Variants in THRAP3 observed in about 807,000 individuals in gnomAD.
THRAP3 encodes the protein thyroid hormone receptor-associated protein 3.
Under a neutral mutation model 101.0 loss-of-function variants are expected in THRAP3, and 16 were observed. The ratio of observed to expected loss-of-function variants is 0.16; its 90% CI spans 0.11 to 0.24. THRAP3 has a LOEUF of 0.24. Ranked by LOEUF, THRAP3 falls within the 10% of genes least tolerant of loss-of-function variation. The pLI, the probability that THRAP3 is intolerant of heterozygous loss-of-function variation, is 1.00. For synonymous variants in THRAP3, 407 were observed against 422.6 expected, an observed-to-expected ratio of 0.96 and a Z score of 0.45; for missense variants, 989 against 1,202.7, an observed-to-expected ratio of 0.82 and a Z score of 2.63.
Position 36,296,716 on chromosome 1 carries a change from G to A in THRAP3, c.2249G>A (p.Arg750Lys), listed in dbSNP as rs764238300. Residue 750 changes from arginine (R) to lysine (K), a missense_variant, in exon 9 of 12, where the codon AGG becomes AAG. Arg to Lys is a conservative substitution (Grantham distance 26, BLOSUM62 2). Transcript: ENST00000354618. The part of the protein sequence containing the change: ...SVDSRDSSHS[R>K]ERSAEKTEKT... ...GATTCCCGAGACTCCAGTCACTCAA[G>A]GGAAAGGTCAGCTGAAAAAACAGAG... The A allele has an allele frequency of 1.2e-6, 2 of 1,608,238 alleles. No homozygotes were observed. The highest frequency in any genetic ancestry group is 1.7e-6 in the Non-Finnish European group (2 of 1,178,680).
rs1333130387 is a variant in THRAP3 at position 36,292,586 on chromosome 1, T to C, written c.1919-12T>C. 1.9e-6 allele frequency: 3 copies of C among 1,607,248 alleles called. No individual in the cohort carries two copies. Among genetic ancestry groups the C allele is most frequent in the Admixed American group, 3.4e-5 (2 of 59,082 alleles). On this transcript the variant is annotated splice_polypyrimidine_tract_variant and intron_variant, in intron 6 of 11. Transcript: ENST00000354618. ...TGCCTGGCCCATAATGTGTTTCTTT[T>C]AATCCCAACAGAGCATCACTTTGGG...
At chr1:36,271,244 G>T (rs1212293678) in intron 2 of THRAP3, among the ~76,000 whole-genome samples, 2 of 152,166 alleles carry the variant, frequency 1.3e-5, no homozygotes, top group African/African-American at 4.8e-5. Context: ...AAGAATTTCA[G>T]TACCAAGTTC....
chr1:36,262,959 A>ATTTTTTTTTT (rs55662646), intron 2 of THRAP3, among the ~76,000 whole-genome samples: 205 of 104,326 alleles, frequency 2.0e-3, no homozygotes, highest in Non-Finnish European at 2.8e-3. Context: ...GGGCCGGCTA[A>ATTTTTTTTTT]TTTTTTTTTT....
chr1:36,254,908 A>C (rs1318634222), intron 1 of THRAP3, among the ~76,000 whole-genome samples: 1 of 152,194 alleles, frequency 6.6e-6, no homozygotes, highest in African/African-American at 2.4e-5. Flanking sequence ...GGCTCTGTAT[A>C]CATGACTTAT....
intron 7 of THRAP3, 55 bp from the exon 8 acceptor site, chr1:36,293,796 C>T: frequency 7.1e-7 from 1 of 1,414,276 alleles, no homozygotes; most frequent in Non-Finnish European, 9.9e-7. Flanking sequence ...TAGAATATTA[C>T]CAGTATCATA....
intron 1 of THRAP3, among the ~76,000 whole-genome samples, chr1:36,252,927 C>CGCATAT (rs1480472338): frequency 1.3e-5 from 1 of 76,538 alleles, no homozygotes; most frequent in Non-Finnish European, 2.5e-5. Context: ...TATAGATAGG[C>CGCATAT]ATATATATAT....
At chr1:36,241,291 A>G (rs926942902) in intron 1 of THRAP3, among the ~76,000 whole-genome samples, 13 of 150,142 alleles carry the variant, frequency 8.7e-5, no homozygotes, top group Non-Finnish European at 1.5e-4. Context: ...AATTCTCTTT[A>G]GAGTACTTCA....
the THRAP3 span, among the ~76,000 whole-genome samples, chr1:36,208,317 TA>T: frequency 6.6e-6 from 1 of 152,134 alleles, no homozygotes; most frequent in African/African-American, 2.4e-5. Flanking sequence ...ATGAGAAAAC[TA>T]AGGCTCAGAG....
At position 36,289,154 on chromosome 1, in the gene THRAP3, T is replaced by G; in HGVS notation, c.1135T>G (p.Ser379Ala). The change falls in exon 5 of 12, where the codon TCT (serine) becomes GCT (alanine). Residue 379 changes from serine to alanine, a missense_variant. Transcript: ENST00000354618. ...AAAAATAAAAGAGAAAGGGAGCTTC[T>G]CTGACACAGGCTTGGGTGATGGAAA... Reference protein sequence around the residue: ...KEKIKEKGSFSDTGLGDGKMK... With the variant: ...KEKIKEKGSFADTGLGDGKMK... 1 of 1,613,674 alleles carries G rather than the reference T, an allele frequency of 6.2e-7. No individual in the cohort carries two copies. Among genetic ancestry groups the G allele is most frequent in the Middle Eastern group, 1.7e-4 (1 of 5,940 alleles).
chr1:36,255,862 A>T (rs1020675947), intron 1 of THRAP3, among the ~76,000 whole-genome samples: 2 of 151,932 alleles, frequency 1.3e-5, no homozygotes, highest in Non-Finnish European at 2.9e-5. Context: ...ACCATAGGAG[A>T]TACAAATGGT....
At position 36,224,462 on chromosome 1, in the gene THRAP3, T is replaced by G. The variant is rs902182494; in HGVS notation, c.-178T>G. 6.5e-6 allele frequency: 1 copy of G among 152,986 alleles called. No individual in the cohort carries two copies. Among genetic ancestry groups the G allele is most frequent in the Admixed American group, 6.6e-5 (1 of 15,260 alleles). 9.5% of individuals were successfully genotyped at this position (152,986 alleles called of 1,614,324 possible). Reference sequence around the variant, plus strand: ...GGGCGGGGGCGAGGTTCGGGCTGGTTGTTCCGTTGCGAGCTGCAGCTGCGA... The same window carrying G: ...GGGCGGGGGCGAGGTTCGGGCTGGTGGTTCCGTTGCGAGCTGCAGCTGCGA... On this transcript the variant is annotated 5_prime_UTR_variant, in exon 1 of 12. Coordinates refer to ENST00000354618, the MANE Select transcript of THRAP3 (RefSeq NM_005119.4).
At position 36,302,974 on chromosome 1, in the gene THRAP3, A is replaced by G. The variant is rs140768825; in HGVS notation, c.2647-822A>G. 4.0e-3 allele frequency among the ~76,000 whole-genome samples: 612 copies of G among 152,240 alleles called. 5 individuals carry two copies. Among genetic ancestry groups the G allele is most frequent in the African/African-American group, 0.014 (581 of 41,550 alleles). On this transcript the variant is annotated intron_variant, in intron 11 of 11. Coordinates refer to ENST00000354618, the MANE Select transcript of THRAP3 (RefSeq NM_005119.4). ...GAGGATCAGGAAAGCCCCAGCCCCA[A>G]CATTGGATTCTGAGCATTTGGAGTG...
chr1:36,208,580 G>T, the THRAP3 span, among the ~76,000 whole-genome samples: 1 of 152,140 alleles, frequency 6.6e-6, no homozygotes. Context: ...ACAGAATTAT[G>T]TTAGTTATTA....
intron 6 of THRAP3, among the ~76,000 whole-genome samples, chr1:36,292,106 T>C (rs1645875941): frequency 6.6e-6 from 1 of 152,006 alleles, no homozygotes; most frequent in Non-Finnish European, 1.5e-5. Context: ...TAGTGCCCAA[T>C]ATGGGACCGT....
At chr1:36,237,566 T>G (rs1645105705) in intron 1 of THRAP3, among the ~76,000 whole-genome samples, 3 of 146,352 alleles carry the variant, frequency 2.0e-5, no homozygotes, top group East Asian at 2.0e-4. Context: ...AGGTCAGGAG[T>G]TCAAGATCAG....
At chr1:36,240,578 C>A (rs1329505682) in intron 1 of THRAP3, among the ~76,000 whole-genome samples, 1 of 152,216 alleles carries the variant, frequency 6.6e-6, no homozygotes, top group Non-Finnish European at 1.5e-5. Flanking sequence ...TCAGTCTTCT[C>A]TGGCAACACC....
At position 36,289,516 on chromosome 1, in the gene THRAP3, C is replaced by G. The variant is rs1557450724; in HGVS notation, c.1497C>G (p.Ser499=). The stretch of plus-strand genomic sequence containing the variant: ...AGGAGGAGTCTTTCCCAGAGAGATC[C>G]AAAAAGGAAGATCGGGGCAAGAGAA... The part of the protein sequence containing the change: ...ELEEESFPER[S]KKEDRGKRSE... Residue 499 remains serine (S), a synonymous_variant, in exon 5 of 12, where the codon TCC becomes TCG. Coordinates refer to ENST00000354618, the MANE Select transcript of THRAP3 (RefSeq NM_005119.4). The G allele has an allele frequency of 1.2e-6, 2 of 1,613,822 alleles. No individual in the cohort carries two copies. Among genetic ancestry groups the G allele is most frequent in the East Asian group, 4.5e-5 (2 of 44,884 alleles).
the THRAP3 span, among the ~76,000 whole-genome samples, chr1:36,215,182 C>T: frequency 1.3e-5 from 2 of 152,142 alleles, no homozygotes; most frequent in East Asian, 3.9e-4. Flanking sequence ...CGAGACTGCG[C>T]CACTGCACTC....
At chr1:36,257,269 G>A (rs1645388047) in intron 1 of THRAP3, among the ~76,000 whole-genome samples, 1 of 152,146 alleles carries the variant, frequency 6.6e-6, no homozygotes, top group African/African-American at 2.4e-5. Flanking sequence ...ATATAAAATT[G>A]TATAACTTTT....
Sources: allele counts gnomAD v4.1 joint callset (sites outside exome capture counted in the v4.1 genomes callset), GRCh38; gene constraint gnomAD v4.1.1; transcripts MANE v1.5; gene names NCBI Gene and HGNC (gene_info 2026-07-23, HGNC 2026-07-21).